Variants in CRYBG1 observed in about 807,000 individuals in gnomAD.
The protein encoded by CRYBG1 is beta/gamma crystallin domain-containing protein 1.
In CRYBG1, 139 loss-of-function variants were observed where a neutral mutation model predicts 189.2. The observed-to-expected ratio is 0.73, with a 90% CI of 0.64 to 0.85. The LOEUF (loss-of-function observed/expected upper bound fraction) is 0.85. Ranked by LOEUF, CRYBG1 falls within the 40% of genes least tolerant of loss-of-function variation. The pLI, the probability that CRYBG1 is intolerant of heterozygous loss-of-function variation, is 0.00. For synonymous variants in CRYBG1, 1,023 were observed against 1,017.1 expected, an observed-to-expected ratio of 1.01 and a Z score of -0.11; for missense variants, 2,611 against 2,675.8, an observed-to-expected ratio of 0.98 and a Z score of 0.53.
At chr6:106,374,708 T>C (rs941004625) in intron 1 of CRYBG1, among the ~76,000 whole-genome samples, 1 of 152,236 alleles carries the variant, frequency 6.6e-6, no homozygotes, top group Non-Finnish European at 1.5e-5. Flanking sequence ...ATAAATTCTC[T>C]AAATGGATGG....
chr6:106,514,608 C>G (rs1463858738), intron 3 of CRYBG1, among the ~76,000 whole-genome samples: 1 of 152,138 alleles, frequency 6.6e-6, no homozygotes, highest in East Asian at 1.9e-4. Context: ...AATGCTAAAG[C>G]CTCCTAAATG....
In CRYBG1 at chr6:106,475,315, G is replaced by T. The variant is rs143874088; in HGVS notation, c.312+23483G>T. 6.6e-5 allele frequency among the ~76,000 whole-genome samples: 10 copies of T among 152,256 alleles called. No individual in the cohort carries two copies. The East Asian group carries it at 1.7e-3, about 26-fold the overall frequency. ...CTTGCTCTAAATGAATGTATAAACC[G>T]AATGGGAGGGTAAGACAAATGTACA... On this transcript the variant is annotated intron_variant, in intron 2 of 21. Transcript: ENST00000633556.
chr6:106,430,421 A>G (rs755528455), intron 1 of CRYBG1, among the ~76,000 whole-genome samples: 3 of 152,228 alleles, frequency 2.0e-5, no homozygotes, highest in Non-Finnish European at 4.4e-5. Context: ...AAAAAGAAAG[A>G]AAAAGGATTT....
At chr6:106,415,820 C>G (rs1771011459) in intron 1 of CRYBG1, among the ~76,000 whole-genome samples, 1 of 152,164 alleles carries the variant, frequency 6.6e-6, no homozygotes, top group African/African-American at 2.4e-5. Context: ...GGCTGTCTCT[C>G]TCTTGGGATG....
At chr6:106,472,864 A>G (rs1357163065) in intron 2 of CRYBG1, among the ~76,000 whole-genome samples, 1 of 151,358 alleles carries the variant, frequency 6.6e-6, no homozygotes, top group Non-Finnish European at 1.5e-5. Flanking sequence ...AGATTGTGCC[A>G]CTGCACTCCA....
At position 106,530,333 on chromosome 6, in the gene CRYBG1, A is replaced by T. The variant is rs947215702; in HGVS notation, c.4718+18A>T. The T allele has an allele frequency of 9.4e-6, 15 of 1,591,236 alleles. No homozygotes were observed. Among genetic ancestry groups the T allele is most frequent in the Middle Eastern group, 1.7e-4 (1 of 5,928 alleles). ...TGGGGCACGTAAGTATTTTTTTTTC[A>T]AACAAATTTTAATGAAGTTTTTTTG... On this transcript the variant is annotated intron_variant, in intron 8 of 21. Coordinates refer to ENST00000633556, the MANE Select transcript of CRYBG1 (RefSeq NM_001371242.2).
chr6:106,496,348 A>G (rs1772851346), intron 2 of CRYBG1, among the ~76,000 whole-genome samples: 1 of 152,226 alleles, frequency 6.6e-6, no homozygotes, highest in African/African-American at 2.4e-5. Context: ...TAATAGTTTA[A>G]TACTTAACAC....
intron 1 of CRYBG1, among the ~76,000 whole-genome samples, chr6:106,424,981 C>G (rs186232521): frequency 6.6e-6 from 1 of 152,178 alleles, no homozygotes; most frequent in Admixed American, 6.5e-5. Context: ...TGAGGTGCCT[C>G]CTTTCTCTGA....
rs777574704 is a variant in CRYBG1, at chr6:106,511,934, C to T, written c.817C>T (p.Arg273Cys). Residue 273 changes from arginine (R) to cysteine (C), a missense_variant, in exon 3 of 22, where the codon CGC (arginine) becomes TGC (cysteine). Around this residue, in one of 3 missense-constraint regions of CRYBG1, gnomAD observed 985 missense variants for 924.4 expected, o/e 1.07. Coordinates refer to ENST00000633556, the MANE Select transcript of CRYBG1 (RefSeq NM_001371242.2). Reference protein sequence around the residue: ...SRQENAETPARSPGEDASPGA... With the variant: ...SRQENAETPACSPGEDASPGA... ...GCAAGAGAACGCAGAGACGCCCGCC[C>T]GCAGTCCGGGGGAGGACGCTTCACC... 3.9e-6 allele frequency: 6 copies of T among 1,525,342 alleles called. No homozygotes were observed. Among genetic ancestry groups the T allele is most frequent in the Non-Finnish European group, 5.3e-6 (6 of 1,140,066 alleles). The allele number at this position is 1,525,342 out of a possible 1,614,324, so 94.5% of individuals were successfully genotyped here.
At position 106,521,124 on chromosome 6, in the gene CRYBG1, G is replaced by A. The variant is rs770475403; in HGVS notation, c.3916G>A (p.Asp1306Asn). Residue 1306 changes from aspartate to asparagine, a missense_variant, in exon 4 of 22, where the codon GAC (aspartate) becomes AAC (asparagine). Around this residue, in one of 3 missense-constraint regions of CRYBG1, gnomAD observed 1,622 missense variants for 1,735.0 expected, o/e 0.93. Transcript: ENST00000633556. ...CAAAGAACAGTCAAATCTTCTGCCC[G>A]ACAACTCCTTAAAGGTCTTCAATTT... ...LNKEQSNLLP[D>N]NSLKVFNFNS... 6.8e-6 allele frequency: 11 copies of A among 1,614,086 alleles called. No individual in the cohort carries two copies. Among genetic ancestry groups the A allele is most frequent in the Admixed American group, 1.7e-5 (1 of 60,012 alleles).
chr6:106,529,246 A>G (rs1773821464), intron 7 of CRYBG1, among the ~76,000 whole-genome samples: 1 of 152,052 alleles, frequency 6.6e-6, no homozygotes, highest in Non-Finnish European at 1.5e-5. Flanking sequence ...GTGCCCGGCC[A>G]GTAATTTATA....
Position 106,487,884 on chromosome 6 carries a change from C to T in CRYBG1, c.313-23546C>T, listed in dbSNP as rs774625464. Among the ~76,000 whole-genome samples, 9 of 152,088 alleles carry T rather than the reference C, an allele frequency of 5.9e-5. No individual in the cohort carries two copies. The South Asian group carries it at 1.9e-3, about 32-fold the overall frequency. Reference sequence around the variant, plus strand: ...TGTCATCTTTTCTTGCTTTTTTCTTCTTGTGTCCCTACATTGATATCTGTC... The same window carrying T: ...TGTCATCTTTTCTTGCTTTTTTCTTTTTGTGTCCCTACATTGATATCTGTC... On this transcript the variant is annotated intron_variant, in intron 2 of 21. Transcript: ENST00000633556.
At chr6:106,561,859 T>C (rs1201750303) in intron 20 of CRYBG1, among the ~76,000 whole-genome samples, 1 of 152,198 alleles carries the variant, frequency 6.6e-6, no homozygotes, top group Non-Finnish European at 1.5e-5. Context: ...TTGGTTTGTT[T>C]TGGGGAAATC....
intron 1 of CRYBG1, among the ~76,000 whole-genome samples, chr6:106,398,457 A>G (rs188101372): frequency 1.1e-4 from 16 of 152,270 alleles, no homozygotes; most frequent in African/African-American, 3.4e-4. Context: ...AAATAAATAA[A>G]TAAATAAATA....
At chr6:106,499,147 TGTTTGTTTG>T (rs1772928055) in intron 2 of CRYBG1, among the ~76,000 whole-genome samples, 1 of 102,634 alleles carries the variant, frequency 9.7e-6, no homozygotes, top group Non-Finnish European at 2.0e-5. Flanking sequence ...TTTGTTTGTT[TGTTTGTTTG>T]TTTTTTGCTT....
At chr6:106,556,722 C>T (rs1243230924) in intron 17 of CRYBG1, among the ~76,000 whole-genome samples, 2 of 152,160 alleles carry the variant, frequency 1.3e-5, no homozygotes, top group Non-Finnish European at 2.9e-5. Flanking sequence ...GCTTTAAACA[C>T]ACGTAATTGC....
intron 11 of CRYBG1, among the ~76,000 whole-genome samples, chr6:106,543,959 G>C (rs900225664): frequency 6.6e-6 from 1 of 152,208 alleles, no homozygotes; most frequent in African/African-American, 2.4e-5. Flanking sequence ...GGCTGAGGCA[G>C]GAGAATCGCT....
chr6:106,530,709 A>G (rs1387700283), intron 8 of CRYBG1, among the ~76,000 whole-genome samples: 1 of 152,146 alleles, frequency 6.6e-6, no homozygotes, highest in Admixed American at 6.5e-5. Context: ...TTCCTTGAAT[A>G]TTTTCACACA....
chr6:106,450,023 G>A (rs1163084698), intron 1 of CRYBG1, among the ~76,000 whole-genome samples: 1 of 151,806 alleles, frequency 6.6e-6, no homozygotes, highest in Non-Finnish European at 1.5e-5. Flanking sequence ...TCAGGAGTTC[G>A]AGATTAGCCT....
Sources: gnomAD v4.1 joint callset for allele counts (sites outside exome capture counted in the v4.1 genomes callset) on GRCh38, gnomAD v4.1.1 for gene constraint, gnomAD v4.1.1 regional missense constraint, MANE v1.5 for transcripts, NCBI Gene and HGNC (gene_info 2026-07-23, HGNC 2026-07-21) for gene names.